Variants in UBR1 observed in about 807,000 individuals in gnomAD.
UBR1 encodes E3 ubiquitin-protein ligase UBR1.
A neutral mutation model predicts 242.1 loss-of-function variants in UBR1; 102 were observed. The ratio of observed to expected loss-of-function variants is 0.42; its 90% CI spans 0.36 to 0.50. The LOEUF is 0.50. Ranked by LOEUF, UBR1 falls within the 20% of genes least tolerant of loss-of-function variation. The pLI is 0.01. For synonymous variants in UBR1, 675 were observed against 684.8 expected (o/e 0.99, Z 0.22); for missense variants, 1,772 against 2,101.8 (o/e 0.84, Z 3.07).
intron 33 of UBR1, among the ~76,000 whole-genome samples, chr15:42,996,686 C>T (rs1567119335): frequency 6.6e-6 from 1 of 152,132 alleles, no homozygotes; most frequent in Non-Finnish European, 1.5e-5. Flanking sequence ...CTATTTCTTC[C>T]TCTGTAGCTT....
intron 1 of UBR1, among the ~76,000 whole-genome samples, chr15:43,087,084 C>G (rs565441431): frequency 6.6e-6 from 1 of 152,146 alleles, no homozygotes; most frequent in Non-Finnish European, 1.5e-5. Context: ...AAAACAACAA[C>G]AAAAACTTAT....
intron 44 of UBR1, 21 bp downstream of exon 44, chr15:42,957,992 A>G (rs1266715102): frequency 6.3e-7 from 1 of 1,583,928 alleles, no homozygotes; most frequent in South Asian, 1.1e-5. Flanking sequence ...TTACACACAT[A>G]TATATACACA....
chr15:42,984,203 A>T (rs1375948120), intron 36 of UBR1, among the ~76,000 whole-genome samples: 2 of 152,218 alleles, frequency 1.3e-5, no homozygotes, highest in Middle Eastern at 3.2e-3. Context: ...ATTTTCTTAT[A>T]AAAAAGTGGT....
chr15:43,059,923 G>T, intron 7 of UBR1, 98 bp from the exon 8 acceptor site: 2 of 1,559,086 alleles, frequency 1.3e-6, no homozygotes, highest in Non-Finnish European at 1.8e-6. Flanking sequence ...AACCCTGCCA[G>T]TTCCAAATCT....
At chr15:42,987,422 A>T (rs2032484338) in intron 35 of UBR1, among the ~76,000 whole-genome samples, 1 of 152,230 alleles carries the variant, frequency 6.6e-6, no homozygotes, top group Admixed American at 6.5e-5. Flanking sequence ...TTGGGAAAAA[A>T]TGTGGCTTCA....
chr15:43,094,579 G>A (rs1183454189), intron 1 of UBR1, among the ~76,000 whole-genome samples: 2 of 151,182 alleles, frequency 1.3e-5, no homozygotes, highest in Non-Finnish European at 2.9e-5. Context: ...TGCAAGCAAA[G>A]CATTCTTTGG....
Position 43,026,541 on chromosome 15 carries a change from A to C in UBR1, c.2535+20T>G, listed in dbSNP as rs774061950. The C allele has an allele frequency of 6.2e-7, 1 of 1,604,146 alleles. No individual in the cohort carries two copies. Among genetic ancestry groups the C allele is most frequent in the East Asian group, 2.2e-5 (1 of 44,662 alleles). On this transcript the variant is annotated intron_variant, in intron 23 of 46. Coordinates refer to ENST00000290650, the MANE Select transcript of UBR1 (RefSeq NM_174916.3). ...ATAAAGCATTTAGGTTTATTTACTG[A>C]AAAGGATACTTTTTTCTACCTTGCT...
At chr15:43,023,834 G>T (rs569064374) in intron 25 of UBR1, among the ~76,000 whole-genome samples, 3 of 152,142 alleles carry the variant, frequency 2.0e-5, no homozygotes, top group African/African-American at 7.2e-5. Flanking sequence ...AAATGTAAAG[G>T]TATATACCAA....
intron 32 of UBR1, among the ~76,000 whole-genome samples, chr15:42,999,679 T>C (rs1217982684): frequency 6.6e-6 from 1 of 151,808 alleles, no homozygotes; most frequent in African/African-American, 2.4e-5. Flanking sequence ...AATACAAAAA[T>C]TAGTGGGGTG....
At chr15:42,945,662 C>CAGAAATGTACTCCT (rs1270497257) in intron 46 of UBR1, among the ~76,000 whole-genome samples, 192 bp from the exon 47 acceptor site, 5 of 152,154 alleles carry the variant, frequency 3.3e-5, no homozygotes, top group Non-Finnish European at 7.3e-5. Context: ...GCTAATAAAG[C>CAGAAATGTACTCCT]AGAAATGTAC....
intron 1 of UBR1, among the ~76,000 whole-genome samples, chr15:43,103,406 A>C (rs1431986918): frequency 6.6e-6 from 1 of 152,162 alleles, no homozygotes; most frequent in Non-Finnish European, 1.5e-5. Context: ...CTCAACTATA[A>C]ATTTACTGAT....
intron 3 of UBR1, among the ~76,000 whole-genome samples, chr15:43,078,534 G>C (rs1261788154): frequency 1.3e-5 from 2 of 151,908 alleles, no homozygotes; most frequent in Non-Finnish European, 2.9e-5. Flanking sequence ...AAAGGGGAGG[G>C]GCAAAAATGC....
Position 43,036,579 on chromosome 15 carries a change from T to C in UBR1, c.2037A>G (p.Gln679=), listed in dbSNP as rs776921778. 1.3e-6 allele frequency: 2 copies of C among 1,590,512 alleles called. No individual in the cohort carries two copies. Among genetic ancestry groups the C allele is most frequent in the Non-Finnish European group, 1.7e-6 (2 of 1,158,940 alleles). The change falls in exon 18 of 47, where the codon CAA becomes CAG. Residue 679 remains glutamine (Q), a synonymous_variant. Coordinates refer to ENST00000290650, the MANE Select transcript of UBR1 (RefSeq NM_174916.3). ...ACATTTCTTCTCTGCACTTAACATC[T>C]TGGTAATAAAACACCTATAAGGTAA... ...LSLISQVFYY[Q]DVKCREEMYD... is the part of the protein sequence containing the mutation.
chr15:42,979,410 G>T (rs989735281), intron 37 of UBR1, among the ~76,000 whole-genome samples: 2 of 151,982 alleles, frequency 1.3e-5, no homozygotes, highest in Non-Finnish European at 2.9e-5. Context: ...TAAGATCAGG[G>T]GCTTTGAAGT....
intron 15 of UBR1, 84 bp from the exon 16 acceptor site, chr15:43,038,316 C>T (rs543116551): frequency 2.9e-5 from 41 of 1,411,362 alleles, no homozygotes; most frequent in South Asian, 1.4e-4. Context: ...GAAACTTGTG[C>T]GATTTGATTT....
intron 3 of UBR1, among the ~76,000 whole-genome samples, chr15:43,078,054 G>A (rs929074407): frequency 6.6e-6 from 1 of 152,188 alleles, no homozygotes; most frequent in Non-Finnish European, 1.5e-5. Context: ...CAGATAGCAA[G>A]AGAAGGGAGC....
chr15:42,988,954 T>C lies in UBR1; in HGVS notation c.3862A>G (p.Asn1288Asp). The C allele has an allele frequency of 6.2e-7, 1 of 1,603,256 alleles. No individual in the cohort carries two copies. The highest frequency in any genetic ancestry group is 8.5e-7 in the Non-Finnish European group (1 of 1,170,202). ...AGAATAACCATTTCCTTGATGCTAT[T>C]TGAATATTTAATCCTATAAATAAAA... ...FGVESSIKYS[N>D]SIKEMVILFA... The change falls in exon 35 of 47, where the codon AAT (asparagine) becomes GAT (aspartate). Residue 1288 changes from asparagine (N) to aspartate (D), a missense_variant. Coordinates refer to ENST00000290650, the MANE Select transcript of UBR1 (RefSeq NM_174916.3).
In UBR1 at chr15:43,029,125, G is replaced by GCACACACACACACACACACACACA. The variant is rs144923922; in HGVS notation, c.2379+818_2379+819insTGTGTGTGTGTGTGTGTGTGTGTG. 4.3e-3 allele frequency among the ~76,000 whole-genome samples: 647 copies of GCACACACACACACACACACACACA among 151,058 alleles called. 4 individuals are homozygous for GCACACACACACACACACACACACA. The highest frequency in any genetic ancestry group is 0.014 in the African/African-American group (564 of 41,106). On this transcript the variant is annotated intron_variant, in intron 21 of 46. Transcript: ENST00000290650. Reference sequence around the variant, plus strand: ...TAAATAAAAACAAATACACACACACGCACACACACACACATCTCTATTCTA... The same window carrying GCACACACACACACACACACACACA: ...TAAATAAAAACAAATACACACACACGCACACACACACACACACACACACACACACACACACACATCTCTATTCTA...
At chr15:43,037,644 C>A in intron 17 of UBR1, 129 bp downstream of exon 17, 1 of 768,744 alleles carries the variant, frequency 1.3e-6, no homozygotes, top group South Asian at 1.6e-5. Flanking sequence ...ACTTTCATTT[C>A]TAGGAGTTTA....
Sources: allele counts gnomAD v4.1 joint callset (sites outside exome capture counted in the v4.1 genomes callset), GRCh38; gene constraint gnomAD v4.1.1; transcripts MANE v1.5; gene names NCBI Gene and HGNC (gene_info 2026-07-23, HGNC 2026-07-21).